The following SIRPB1 variants were observed in gnomAD, a reference collection of about 807,000 sequenced individuals.
SIRPB1 encodes signal-regulatory protein beta-1.
In SIRPB1, 28 loss-of-function variants were observed where a neutral mutation model predicts 34.1. That is an observed-to-expected ratio of 0.82 (90% CI 0.61 to 1.12). The LOEUF is 1.12. Ranked by LOEUF, SIRPB1 falls within the 50% of genes most tolerant of loss-of-function variation. The probability of loss-of-function intolerance (pLI) is 0.00; values close to 1 mark genes in which losing one functional copy is unlikely to be tolerated. For synonymous variants in SIRPB1, 211 were observed against 203.8 expected, an observed-to-expected ratio of 1.04 and a Z score of -0.30; for missense variants, 499 against 507.0, an observed-to-expected ratio of 0.98 and a Z score of 0.15.
At chr20:1,567,844 C>T (rs1370459491) in intron 4 of SIRPB1, among the ~76,000 whole-genome samples, 1 of 152,188 alleles carries the variant, frequency 6.6e-6, no homozygotes, top group Non-Finnish European at 1.5e-5. Context: ...AGTGATTCAT[C>T]ATGAGTTAAA....
Position 1,601,877 on chromosome 20 carries a change from G to A in SIRPB1, c.76+17992C>T, listed in dbSNP as rs2122271315. Among the ~76,000 whole-genome samples the A allele has an allele frequency of 4.2e-5, 2 of 48,138 alleles. 1 individual carries two copies. The highest frequency in any genetic ancestry group is 2.8e-4 in the Admixed American group (2 of 7,060). 31.6% of individuals were successfully genotyped at this position (48,138 alleles called of 152,430 possible). A position where few individuals can be genotyped will look rare whatever the true frequency, so the allele number is the denominator to read the frequency against. On this transcript the variant is annotated intron_variant, in intron 1 of 5. Coordinates refer to ENST00000381605, the MANE Select transcript of SIRPB1 (RefSeq NM_006065.5). ...CAGACTGGCTAGGGATCTGAGGACTGAGGAACAGCCGTGAGGCCAGGCACC... is the reference window on the plus strand; with the variant it reads ...CAGACTGGCTAGGGATCTGAGGACTAAGGAACAGCCGTGAGGCCAGGCACC...
chr20:1,618,414 C>T (rs941208619), intron 1 of SIRPB1, among the ~76,000 whole-genome samples: 5 of 152,172 alleles, frequency 3.3e-5, no homozygotes, highest in Admixed American at 6.5e-5. Flanking sequence ...GGACAAGTTC[C>T]TCCCTCTGCC....
At chr20:1,618,065 G>C (rs979974056) in intron 1 of SIRPB1, among the ~76,000 whole-genome samples, 1 of 151,988 alleles carries the variant, frequency 6.6e-6, no homozygotes, top group Non-Finnish European at 1.5e-5. Context: ...ATCAAAGTGT[G>C]ACCTATTGTG....
At position 1,570,881 on chromosome 20, in the gene SIRPB1, C is replaced by A; in HGVS notation, c.1008G>T (p.Gly336=). The A allele has an allele frequency of 6.2e-7, 1 of 1,614,180 alleles. No individual in the cohort carries two copies. Among genetic ancestry groups the A allele is most frequent in the Non-Finnish European group, 8.5e-7 (1 of 1,180,034 alleles). ...VVLTCQVEHD[G]QQAVSKSYAL... Reference sequence around the variant, plus strand: ...CATAGCTTTTGCTGACTGCTTGCTGCCCATCATGCTCCACCTGACAGGTGA... The same window carrying A: ...CATAGCTTTTGCTGACTGCTTGCTGACCATCATGCTCCACCTGACAGGTGA... Residue 336 remains glycine (G), a synonymous_variant, in exon 4 of 6, where the codon GGG becomes GGT. Coordinates refer to ENST00000381605, the MANE Select transcript of SIRPB1 (RefSeq NM_006065.5).
At chr20:1,583,078 T>C (rs1314113867) in intron 1 of SIRPB1, among the ~76,000 whole-genome samples, 1 of 48,820 alleles carries the variant, frequency 2.0e-5, no homozygotes, top group Non-Finnish European at 3.9e-5. Flanking sequence ...CCCATGTGAA[T>C]TGGTGAAAAA....
chr20:1,565,052 A>T lies in SIRPB1; in HGVS notation c.*448T>A, dbSNP rs1352891829. The T allele has an allele frequency of 1.0e-5, 4 of 398,414 alleles. No individual in the cohort carries two copies. Among genetic ancestry groups the T allele is most frequent in the Non-Finnish European group, 1.8e-5 (4 of 226,020 alleles). The allele number at this position is 398,414 out of a possible 1,614,324, so 24.7% of individuals were successfully genotyped here. A position where few individuals can be genotyped will look rare whatever the true frequency, so the allele number is the denominator to read the frequency against. On this transcript the variant is annotated 3_prime_UTR_variant, in exon 6 of 6. Transcript: ENST00000381605. ...GCTTGGACAAAGAGGAAAGAGAATC[A>T]TTTTTTTCTTAAAATTGGTATAGGG...
In SIRPB1 at chr20:1,596,354, C is replaced by G. The variant is rs535502937; in HGVS notation, c.77-17660G>C. On this transcript the variant is annotated intron_variant, in intron 1 of 5. Coordinates refer to ENST00000381605, the MANE Select transcript of SIRPB1 (RefSeq NM_006065.5). Reference sequence around the variant, plus strand: ...TCAATGTTTCTAATCCTTTGAATTACCATAAACTAAATATTTTTCCCTTCT... The same window carrying G: ...TCAATGTTTCTAATCCTTTGAATTAGCATAAACTAAATATTTTTCCCTTCT... Among the ~76,000 whole-genome samples the G allele has an allele frequency of 4.1e-4, 20 of 49,180 alleles. 9 individuals are homozygous for G. In the South Asian group the frequency reaches 6.6e-3, roughly 16 times the overall value. The allele number at this position is 49,180 out of a possible 152,430, so 32.3% of individuals were successfully genotyped here.
intron 2 of SIRPB1, 135 bp from the exon 3 acceptor site, chr20:1,572,172 A>C: frequency 7.1e-7 from 1 of 1,410,044 alleles, no homozygotes; most frequent in South Asian, 1.4e-5. Flanking sequence ...CAGTGTCCTT[A>C]TTCTCATTTT....
chr20:1,619,096 A>T (rs1041654431), intron 1 of SIRPB1, among the ~76,000 whole-genome samples: 1 of 152,166 alleles, frequency 6.6e-6, no homozygotes, highest in Non-Finnish European at 1.5e-5. Context: ...ACAGAGAGAA[A>T]ATGGCCCTGT....
rs766838983 is a variant in SIRPB1 at position 1,570,896 on chromosome 20, C to T, written c.993G>A (p.Gln331=). 16 of 1,614,218 alleles carry T rather than the reference C, an allele frequency of 9.9e-6. No individual in the cohort carries two copies. The South Asian group carries it at 1.6e-4, about 17-fold the overall frequency. ...CTGCTTGCTGCCCATCATGCTCCAC[C>T]TGACAGGTGAGCACCACATCGTCCC... ...AHRDDVVLTC[Q]VEHDGQQAVS... Residue 331 remains glutamine (Q), a synonymous_variant, in exon 4 of 6, where the codon CAG becomes CAA. Coordinates refer to ENST00000381605, the MANE Select transcript of SIRPB1 (RefSeq NM_006065.5).
In SIRPB1 at chr20:1,583,892, A is replaced by ACTACTACTG. The variant is rs769020935; in HGVS notation, c.77-5199_77-5198insCAGTAGTAG. Among the ~76,000 whole-genome samples the ACTACTACTG allele has an allele frequency of 3.7e-4, 16 of 43,514 alleles. 6 individuals carry two copies. Among genetic ancestry groups the ACTACTACTG allele is most frequent in the African/African-American group, 1.5e-3 (9 of 5,814 alleles). The allele number at this position is 43,514 out of a possible 152,430, so 28.5% of individuals were successfully genotyped here. ...TACTACTACTACTACTACTACTACT[A>ACTACTACTG]CTGCTGCTGCTGCTGCTGTGTGTTT... On this transcript the variant is annotated intron_variant, in intron 1 of 5. Coordinates refer to ENST00000381605, the MANE Select transcript of SIRPB1 (RefSeq NM_006065.5).
chr20:1,619,047 G>A (rs1187330319), intron 1 of SIRPB1, among the ~76,000 whole-genome samples: 1 of 152,108 alleles, frequency 6.6e-6, no homozygotes, highest in African/African-American at 2.4e-5. Context: ...AGGAGATGAG[G>A]ACACAGACAC....
intron 4 of SIRPB1, 68 bp downstream of exon 4, chr20:1,570,737 G>A (rs1248405462): frequency 1.6e-6 from 2 of 1,236,276 alleles, no homozygotes; most frequent in East Asian, 4.7e-5. Context: ...CTTATTTTAT[G>A]ACAAGCATGA....
rs1305002655 is a variant in SIRPB1 at position 1,609,562 on chromosome 20, CCTT to C, written c.76+10304_76+10306del. ...TTCTCTAAGAATTAATCTCCTTCCT[CCTT>C]CTTGTAAGGACCTTTCTTATGTATT... is the stretch of plus-strand genomic sequence containing the variant. On this transcript the variant is annotated intron_variant, in intron 1 of 5. Transcript: ENST00000381605. Among the ~76,000 whole-genome samples, 6 of 71,866 alleles carry C rather than the reference CCTT, an allele frequency of 8.3e-5. 2 individuals carry two copies. Among genetic ancestry groups the C allele is most frequent in the Admixed American group, 6.8e-4 (6 of 8,842 alleles). 47.1% of individuals were successfully genotyped at this position (71,866 alleles called of 152,430 possible).
At chr20:1,578,192 G>A in intron 2 of SIRPB1, 146 bp downstream of exon 2, 2 of 899,722 alleles carry the variant, frequency 2.2e-6, no homozygotes, top group Non-Finnish European at 3.5e-6. Context: ...CTCAACTCAT[G>A]TGATCTGGAG....
In SIRPB1 at chr20:1,568,659, C is replaced by G. The variant is rs369889109; in HGVS notation, c.1084+2146G>C. ...CAGCCCAGCAGCCAAACAGCAGGGACTCTATGCCCAAATACCAGCCCCCAG... is the reference window on the plus strand; with the variant it reads ...CAGCCCAGCAGCCAAACAGCAGGGAGTCTATGCCCAAATACCAGCCCCCAG... On this transcript the variant is annotated intron_variant, in intron 4 of 5. Transcript: ENST00000381605. Among the ~76,000 whole-genome samples, 6 of 152,232 alleles carry G rather than the reference C, an allele frequency of 3.9e-5. No individual in the cohort carries two copies. In the South Asian group the frequency reaches 8.3e-4, roughly 21 times the overall value.
In SIRPB1 at chr20:1,562,346, A is replaced by G. The variant is rs1456019359; in HGVS notation, c.*3154T>C. On this transcript the variant is annotated 3_prime_UTR_variant, in exon 6 of 6. Transcript: ENST00000381605. ...ATCCAACACCTAGTAGAAACCAATG[A>G]CCTCAATGATGTATTCACTCATTTA... is the stretch of plus-strand genomic sequence containing the variant. Among the ~76,000 whole-genome samples the G allele has an allele frequency of 1.3e-5, 2 of 152,150 alleles. No individual in the cohort carries two copies. Among genetic ancestry groups the G allele is most frequent in the South Asian group, 4.1e-4 (2 of 4,828 alleles).
At chr20:1,614,604 C>T (rs2091603708) in intron 1 of SIRPB1, among the ~76,000 whole-genome samples, 1 of 151,980 alleles carries the variant, frequency 6.6e-6, no homozygotes, top group African/African-American at 2.4e-5. Context: ...TTGGGAGCTC[C>T]TCCCACATGG....
rs191540587 is a variant in SIRPB1 at position 1,581,551 on chromosome 20, T to C, written c.77-2857A>G. 2.2e-4 allele frequency among the ~76,000 whole-genome samples: 10 copies of C among 45,696 alleles called. 5 individuals are homozygous for C. Among genetic ancestry groups the C allele is most frequent in the Non-Finnish European group, 4.1e-4 (10 of 24,326 alleles). 30.0% of individuals were successfully genotyped at this position (45,696 alleles called of 152,430 possible). On this transcript the variant is annotated intron_variant, in intron 1 of 5. Coordinates refer to ENST00000381605, the MANE Select transcript of SIRPB1 (RefSeq NM_006065.5). ...TTGAGCCTGCTCCTTGGGAGCTCCT[T>C]CCACATGGCTTCCTGCATGGCCTGC... is the stretch of plus-strand genomic sequence containing the variant.
Sources: allele counts gnomAD v4.1 joint callset (sites outside exome capture counted in the v4.1 genomes callset), GRCh38; gene constraint gnomAD v4.1.1; transcripts MANE v1.5; gene names NCBI Gene and HGNC (gene_info 2026-07-23, HGNC 2026-07-21).